The following SUCLG2 variants were observed in gnomAD, a reference collection of about 807,000 sequenced individuals.
SUCLG2 encodes the protein succinate-CoA ligase GDP-forming subunit beta.
In SUCLG2, 42 loss-of-function variants were observed where a neutral mutation model predicts 47.9. The observed-to-expected ratio is 0.88, with a 90% CI of 0.69 to 1.14. The LOEUF (loss-of-function observed/expected upper bound fraction) is 1.14, where lower values mean the gene tolerates loss of function less well. Among genes scored for constraint, SUCLG2 ranks in the 50% most tolerant of loss-of-function variants. SUCLG2 has a pLI of 0.00. For missense variants in SUCLG2, 571 were observed against 525.9 expected (o/e 1.09, Z -0.84); for synonymous variants, 195 against 197.3 (o/e 0.99, Z 0.10).
chr3:67,397,286 C>T (rs1311497528), intron 10 of SUCLG2, among the ~76,000 whole-genome samples: 2 of 152,252 alleles, frequency 1.3e-5, no homozygotes, highest in East Asian at 3.9e-4. Flanking sequence ...ATCGTCTCAG[C>T]CCAAAATCTC....
intron 9 of SUCLG2, among the ~76,000 whole-genome samples, chr3:67,429,517 G>A (rs552787087): frequency 2.4e-4 from 36 of 152,248 alleles, no homozygotes; most frequent in African/African-American, 6.5e-4. Context: ...AAAGACCATC[G>A]ATGCTAGGAA....
intron 9 of SUCLG2, among the ~76,000 whole-genome samples, chr3:67,426,772 CA>C (rs770143518): frequency 6.6e-6 from 1 of 151,934 alleles, no homozygotes; most frequent in Non-Finnish European, 1.5e-5. Context: ...TACAAAAATA[CA>C]AAAAATTAGC....
chr3:67,642,438 C>G (rs1163551607), intron 1 of SUCLG2, among the ~76,000 whole-genome samples: 1 of 151,718 alleles, frequency 6.6e-6, no homozygotes, highest in Non-Finnish European at 1.5e-5. Context: ...GACCTTGTCT[C>G]TACAAAATTT....
At chr3:67,369,165 T>C (rs1217123529) in intron 10 of SUCLG2, among the ~76,000 whole-genome samples, 3 of 152,202 alleles carry the variant, frequency 2.0e-5, no homozygotes, top group Admixed American at 2.0e-4. Context: ...TGTTTTTATG[T>C]CAGTATTTGA....
At chr3:67,392,686 T>C (rs1019723595) in intron 10 of SUCLG2, among the ~76,000 whole-genome samples, 2 of 152,092 alleles carry the variant, frequency 1.3e-5, no homozygotes, top group Non-Finnish European at 2.9e-5. Flanking sequence ...TAGTTAATAG[T>C]GGCAGTAATA....
chr3:67,367,270 AT>A (rs990962926), intron 10 of SUCLG2, among the ~76,000 whole-genome samples: 2 of 152,048 alleles, frequency 1.3e-5, no homozygotes, highest in African/African-American at 2.4e-5. Context: ...TATTTACCAT[AT>A]TTTTTTGCAG....
chr3:67,421,161 A>C (rs1444331192), intron 9 of SUCLG2, among the ~76,000 whole-genome samples: 2 of 152,032 alleles, frequency 1.3e-5, no homozygotes, highest in African/African-American at 4.8e-5. Flanking sequence ...GGCCCATCTG[A>C]CCATGCAGCT....
At position 67,541,257 on chromosome 3, in the gene SUCLG2, TCTGAA is replaced by T. The variant is rs562114722; in HGVS notation, c.227-12076_227-12072del. ...CAGAAGGTGGGTATTAACAAACTCC[TCTGAA>T]CTAAAGAAGCACGTTATAACCCAGT... On this transcript the variant is annotated intron_variant, in intron 2 of 10. Coordinates refer to ENST00000307227, the MANE Select transcript of SUCLG2 (RefSeq NM_003848.4). 2.3e-4 allele frequency among the ~76,000 whole-genome samples: 35 copies of T among 152,248 alleles called. No individual in the cohort carries two copies. In the South Asian group the frequency reaches 5.2e-3, roughly 23 times the overall value.
At chr3:67,449,701 A>G (rs1295110462) in intron 9 of SUCLG2, among the ~76,000 whole-genome samples, 1 of 151,056 alleles carries the variant, frequency 6.6e-6, no homozygotes, top group Non-Finnish European at 1.5e-5. Context: ...TGGAGCTTCT[A>G]CCTCCCAGGT....
At chr3:67,616,531 C>T (rs555923284) in intron 1 of SUCLG2, among the ~76,000 whole-genome samples, 1 of 152,152 alleles carries the variant, frequency 6.6e-6, no homozygotes, top group East Asian at 1.9e-4. Flanking sequence ...GAAATTTCAA[C>T]CTAATCTATA....
intron 10 of SUCLG2, among the ~76,000 whole-genome samples, chr3:67,386,130 C>T (rs897832594): frequency 2.0e-5 from 3 of 152,148 alleles, no homozygotes; most frequent in Non-Finnish European, 4.4e-5. Flanking sequence ...GCTCTGTCAC[C>T]CAGACTGGAG....
At chr3:67,456,269 T>G (rs950447758) in intron 9 of SUCLG2, among the ~76,000 whole-genome samples, 1 of 152,148 alleles carries the variant, frequency 6.6e-6, no homozygotes, top group African/African-American at 2.4e-5. Flanking sequence ...AAATAAAAAA[T>G]TAATTGGGTC....
At chr3:67,579,413 A>G (rs1707825881) in intron 2 of SUCLG2, among the ~76,000 whole-genome samples, 1 of 152,254 alleles carries the variant, frequency 6.6e-6, no homozygotes, top group Admixed American at 6.5e-5. Flanking sequence ...AGACTAACAC[A>G]GTAATCATAG....
intron 10 of SUCLG2, among the ~76,000 whole-genome samples, chr3:67,377,801 A>C (rs894540491): frequency 6.6e-6 from 1 of 152,126 alleles, no homozygotes; most frequent in Non-Finnish European, 1.5e-5. Flanking sequence ...CTAAAGGCAC[A>C]CATCACCACG....
intron 9 of SUCLG2, among the ~76,000 whole-genome samples, chr3:67,465,244 A>G (rs938987279): frequency 2.0e-5 from 3 of 152,142 alleles, no homozygotes; most frequent in Non-Finnish European, 4.4e-5. Context: ...AGAGGCTTAC[A>G]ATTTTATCCA....
At position 67,649,750 on chromosome 3, in the gene SUCLG2, C is replaced by T. The variant is rs141489601; in HGVS notation, c.84+4753G>A. 2.6e-4 allele frequency among the ~76,000 whole-genome samples: 39 copies of T among 152,332 alleles called. No individual in the cohort carries two copies. In the East Asian group the frequency reaches 6.6e-3, roughly 26 times the overall value. On this transcript the variant is annotated intron_variant, in intron 1 of 10. Coordinates refer to ENST00000307227, the MANE Select transcript of SUCLG2 (RefSeq NM_003848.4). ...ATATTTCCAAATCTCTCAAGTTCTT[C>T]AGTAAAACTTTTCCATCAAGTAACA...
At chr3:67,395,468 A>G (rs995416701) in intron 10 of SUCLG2, among the ~76,000 whole-genome samples, 7 of 152,164 alleles carry the variant, frequency 4.6e-5, no homozygotes, top group East Asian at 1.9e-4. Context: ...AACAAGAAGA[A>G]CTAACTATCC....
intron 1 of SUCLG2, among the ~76,000 whole-genome samples, chr3:67,619,211 A>G (rs1157809461): frequency 1.3e-5 from 2 of 152,200 alleles, no homozygotes; most frequent in African/African-American, 4.8e-5. Flanking sequence ...AACATTTCTG[A>G]GTCCCATGAA....
chr3:67,597,177 C>G (rs532532740), intron 2 of SUCLG2, among the ~76,000 whole-genome samples: 1 of 152,186 alleles, frequency 6.6e-6, no homozygotes, highest in South Asian at 2.1e-4. Flanking sequence ...CTGAAGAGAA[C>G]CCTGGACATA....
Sources: allele counts gnomAD v4.1 joint callset (sites outside exome capture counted in the v4.1 genomes callset), GRCh38; gene constraint gnomAD v4.1.1; transcripts MANE v1.5; gene names NCBI Gene and HGNC (gene_info 2026-07-23, HGNC 2026-07-21).